Variants in SLC17A8 observed in about 807,000 individuals in gnomAD.
SLC17A8 encodes vesicular glutamate transporter 3.
A neutral mutation model predicts 58.0 loss-of-function variants in SLC17A8; 31 were observed. The ratio of observed to expected loss-of-function variants is 0.53; its 90% CI spans 0.40 to 0.72. The LOEUF is 0.72. Among genes scored for constraint, SLC17A8 ranks in the 30% least tolerant of loss-of-function variants. The probability of loss-of-function intolerance (pLI) is 0.00; values close to 1 mark genes in which losing one functional copy is unlikely to be tolerated. For missense variants in SLC17A8, 655 were observed against 727.8 expected, an observed-to-expected ratio of 0.90 and a Z score of 1.15; for synonymous variants, 228 against 249.0, an observed-to-expected ratio of 0.92 and a Z score of 0.79.
intron 3 of SLC17A8, among the ~76,000 whole-genome samples, chr12:100,391,852 A>G (rs550496319): frequency 3.9e-4 from 59 of 152,246 alleles, no homozygotes; most frequent in African/African-American, 1.4e-3. Context: ...GACATTCTGT[A>G]ATCTTAGGTT....
chr12:100,398,845 G>A (rs1952770176), intron 5 of SLC17A8, among the ~76,000 whole-genome samples: 1 of 152,068 alleles, frequency 6.6e-6, no homozygotes, highest in South Asian at 2.1e-4. Context: ...GTAGTGAATG[G>A]GTCTCATGAG....
intron 2 of SLC17A8, among the ~76,000 whole-genome samples, chr12:100,381,154 CAT>C (rs1566391886): frequency 6.6e-6 from 1 of 151,862 alleles, no homozygotes; most frequent in Non-Finnish European, 1.5e-5. Context: ...AGCATCTCAG[CAT>C]CTCAGCATCT....
intron 1 of SLC17A8, among the ~76,000 whole-genome samples, chr12:100,375,739 A>G (rs1214758435): frequency 6.6e-6 from 1 of 152,244 alleles, no homozygotes; most frequent in Non-Finnish European, 1.5e-5. Flanking sequence ...TAGTGATAGT[A>G]CTTACCACTT....
At chr12:100,360,318 T>C (rs1338775401) in intron 1 of SLC17A8, among the ~76,000 whole-genome samples, 1 of 152,270 alleles carries the variant, frequency 6.6e-6, no homozygotes, top group African/African-American at 2.4e-5. Context: ...TTACAATTTA[T>C]GTGTCCTTTA....
intron 1 of SLC17A8, among the ~76,000 whole-genome samples, chr12:100,360,382 G>A (rs550072549): frequency 6.6e-6 from 1 of 152,190 alleles, no homozygotes; most frequent in Non-Finnish European, 1.5e-5. Flanking sequence ...TTCAGACACT[G>A]TAAACTCATT....
At chr12:100,361,092 C>T (rs1952481215) in intron 1 of SLC17A8, among the ~76,000 whole-genome samples, 1 of 152,202 alleles carries the variant, frequency 6.6e-6, no homozygotes, top group Non-Finnish European at 1.5e-5. Flanking sequence ...GTTCCAACTG[C>T]TGCAACATCC....
intron 3 of SLC17A8, among the ~76,000 whole-genome samples, chr12:100,392,811 G>A (rs1039222735): frequency 3.9e-5 from 6 of 152,170 alleles, no homozygotes; most frequent in Admixed American, 1.3e-4. Flanking sequence ...GACATACAAT[G>A]CTTCTTGGAT....
Position 100,360,314 on chromosome 12 carries a change from T to C in SLC17A8, c.101+2822T>C, listed in dbSNP as rs184889003. Reference sequence around the variant, plus strand: ...CAGATTTGTTCAATTTAAATTACAATTTATGTGTCCTTTAATTGTTCATGT... The same window carrying C: ...CAGATTTGTTCAATTTAAATTACAACTTATGTGTCCTTTAATTGTTCATGT... On this transcript the variant is annotated intron_variant, in intron 1 of 11. Transcript: ENST00000323346. Among the ~76,000 whole-genome samples, 315 of 152,338 alleles carry C rather than the reference T, an allele frequency of 2.1e-3. 7 individuals are homozygous for C. The highest frequency in any genetic ancestry group is 7.4e-3 in the African/African-American group (306 of 41,574).
chr12:100,357,416 T>A lies in SLC17A8; in HGVS notation c.25T>A (p.Phe9Ile). The change falls in exon 1 of 12, where the codon TTC becomes ATC. Residue 9 changes from phenylalanine to isoleucine, a missense_variant. Physicochemically the swap from Phe to Ile is conservative, Grantham distance 21 (BLOSUM62 0). Transcript: ENST00000323346. MPFKAFDT[F>I]KEKILKPGKE... The stretch of plus-strand genomic sequence containing the variant: ...AATGCCTTTTAAAGCATTTGATACC[T>A]TCAAAGAAAAAATTCTGAAACCTGG... The A allele has an allele frequency of 1.2e-6, 2 of 1,613,138 alleles. No homozygotes were observed. Among genetic ancestry groups the A allele is most frequent in the South Asian group, 2.2e-5 (2 of 91,054 alleles).
At chr12:100,393,245 C>T (rs933530289) in intron 3 of SLC17A8, 124 bp from the exon 4 acceptor site, 14 of 690,442 alleles carry the variant, frequency 2.0e-5, no homozygotes, top group East Asian at 6.2e-5. Flanking sequence ...ATTACAGGTA[C>T]GATCTTTCCA....
intron 5 of SLC17A8, among the ~76,000 whole-genome samples, chr12:100,400,601 A>T (rs1192980251): frequency 5.9e-5 from 9 of 152,124 alleles, no homozygotes; most frequent in Admixed American, 6.5e-5. Context: ...TCTCTGGAAG[A>T]TCCCCAACCT....
chr12:100,401,926 G>T, intron 6 of SLC17A8, 63 bp downstream of exon 6: 1 of 1,323,272 alleles, frequency 7.6e-7, no homozygotes, highest in Non-Finnish European at 1.1e-6. Context: ...ACTGCATATG[G>T]GTTTGGCTCA....
Position 100,404,091 on chromosome 12 carries a change from T to G in SLC17A8, c.1107T>G (p.Ile369Met). 1 of 1,614,206 alleles carries G rather than the reference T, an allele frequency of 6.2e-7. No homozygotes were observed. The highest frequency in any genetic ancestry group is 8.5e-7 in the Non-Finnish European group (1 of 1,180,032). ...TGGTTATGACAATCGTTGTACCTAT[T>G]GGAGGACAATTGGCTGATTATTTAA... is the stretch of plus-strand genomic sequence containing the variant. ...PHMVMTIVVP[I>M]GGQLADYLRS... is the part of the protein sequence containing the mutation. Residue 369 changes from isoleucine to methionine, a missense_variant, in exon 9 of 12, where the codon ATT becomes ATG. Ile to Met is a conservative substitution (Grantham distance 10). Transcript: ENST00000323346.
chr12:100,383,041 A>G (rs555325210), intron 2 of SLC17A8, among the ~76,000 whole-genome samples: 5 of 152,310 alleles, frequency 3.3e-5, no homozygotes, highest in Non-Finnish European at 7.3e-5. Context: ...AGGGCATATC[A>G]TGCGTTTTTA....
chr12:100,387,995 A>G (rs1482706214), intron 2 of SLC17A8, among the ~76,000 whole-genome samples: 1 of 152,132 alleles, frequency 6.6e-6, no homozygotes, highest in Admixed American at 6.5e-5. Context: ...ACCCTTCATC[A>G]TTGTAACCTC....
At chr12:100,416,090 A>G (rs1593008947) in intron 10 of SLC17A8, among the ~76,000 whole-genome samples, 1 of 152,242 alleles carries the variant, frequency 6.6e-6, no homozygotes, top group African/African-American at 2.4e-5. Context: ...GAAATGTCCT[A>G]TACAGAAGAT....
chr12:100,402,397 C>A lies in SLC17A8; in HGVS notation c.821C>A (p.Ala274Glu). The A allele has an allele frequency of 6.2e-7, 1 of 1,614,066 alleles. No homozygotes were observed. The highest frequency in any genetic ancestry group is 8.5e-7 in the Non-Finnish European group (1 of 1,179,980). ...CTGTTGCAGGCCTATGAGTGCCCAG[C>A]AGCTCATCCAACAATATCCAATGAG... ...FWLLQAYECPAAHPTISNEEK... is the reference protein window; with the variant it reads ...FWLLQAYECPEAHPTISNEEK... Residue 274 changes from alanine (A) to glutamate (E), a missense_variant, in exon 7 of 12, where the codon GCA becomes GAA. Ala to Glu is a moderately radical substitution (Grantham distance 107, BLOSUM62 -1). Coordinates refer to ENST00000323346, the MANE Select transcript of SLC17A8 (RefSeq NM_139319.3).
intron 10 of SLC17A8, among the ~76,000 whole-genome samples, chr12:100,417,169 G>C (rs35033520): frequency 0.39 from 59,517 of 152,106 alleles, 12,715 homozygotes; most frequent in Non-Finnish European, 0.47. Flanking sequence ...GCCTCCCAAA[G>C]TGCTGAGATT....
chr12:100,365,302 C>T (rs1044348370), intron 1 of SLC17A8, among the ~76,000 whole-genome samples: 1 of 152,124 alleles, frequency 6.6e-6, no homozygotes, highest in African/African-American at 2.4e-5. Context: ...ATGACAAGGC[C>T]TTGTCCCAGA....
Sources: allele counts gnomAD v4.1 joint callset (sites outside exome capture counted in the v4.1 genomes callset), GRCh38; gene constraint gnomAD v4.1.1; transcripts MANE v1.5; gene names NCBI Gene and HGNC (gene_info 2026-07-23, HGNC 2026-07-21).